Variants in CCBE1 observed in about 807,000 individuals in gnomAD.
CCBE1 encodes collagen and calcium binding EGF domains 1.
A neutral mutation model predicts 50.0 loss-of-function variants in CCBE1; 37 were observed. The observed-to-expected ratio is 0.74, with a 90% CI of 0.57 to 0.97. The LOEUF is 0.97. Ranked by LOEUF, CCBE1 falls within the 50% of genes least tolerant of loss-of-function variation. The pLI is 0.00. For synonymous variants in CCBE1, 234 were observed against 203.7 expected (o/e 1.15, Z -1.27); for missense variants, 538 against 523.8 (o/e 1.03, Z -0.26).
At chr18:59,541,712 T>A (rs1266377192) in intron 2 of CCBE1, among the ~76,000 whole-genome samples, 1 of 150,730 alleles carries the variant, frequency 6.6e-6, no homozygotes, top group Non-Finnish European at 1.5e-5. Flanking sequence ...GGAGGAAGAG[T>A]TGAAGGGAAA....
intron 2 of CCBE1, among the ~76,000 whole-genome samples, chr18:59,551,025 A>AAAAAAAAAAAAAAAG (rs1915905215): frequency 6.1e-5 from 7 of 114,866 alleles, no homozygotes; most frequent in African/African-American, 1.1e-4. Flanking sequence ...AAAAAAAAAA[A>AAAAAAAAAAAAAAAG]AAAAGAAAAG....
intron 2 of CCBE1, among the ~76,000 whole-genome samples, chr18:59,622,026 C>T (rs538017072): frequency 1.8e-4 from 28 of 152,318 alleles, no homozygotes; most frequent in Admixed American, 5.2e-4. Context: ...TTAATGTGTC[C>T]TCTCAGACTC....
intron 2 of CCBE1, among the ~76,000 whole-genome samples, chr18:59,671,828 G>A (rs915792217): frequency 1.3e-5 from 2 of 149,422 alleles, no homozygotes. Context: ...AAAAGGGGGG[G>A]GGTAGTCAGT....
chr18:59,493,633 G>A (rs1443253111), intron 2 of CCBE1, among the ~76,000 whole-genome samples: 1 of 152,058 alleles, frequency 6.6e-6, no homozygotes, highest in Non-Finnish European at 1.5e-5. Context: ...AGCCCAGGCT[G>A]CTGGGCTCCA....
At chr18:59,685,492 C>A (rs1276794021) in intron 2 of CCBE1, among the ~76,000 whole-genome samples, 1 of 152,204 alleles carries the variant, frequency 6.6e-6, no homozygotes, top group Admixed American at 6.5e-5. Flanking sequence ...AAACAAAGAC[C>A]ATTTACCCAG....
At chr18:59,661,072 T>G (rs1480732744) in intron 2 of CCBE1, among the ~76,000 whole-genome samples, 1 of 152,158 alleles carries the variant, frequency 6.6e-6, no homozygotes, top group Non-Finnish European at 1.5e-5. Flanking sequence ...TCCCTGGAGA[T>G]AGTCCAACAA....
chr18:59,535,885 T>C (rs1175832952), intron 2 of CCBE1, among the ~76,000 whole-genome samples: 1 of 152,110 alleles, frequency 6.6e-6, no homozygotes, highest in Non-Finnish European at 1.5e-5. Flanking sequence ...TAAGGAAAAG[T>C]CTATGTTGCC....
chr18:59,598,131 C>G (rs1230629826), intron 2 of CCBE1, among the ~76,000 whole-genome samples: 2 of 152,184 alleles, frequency 1.3e-5, no homozygotes, highest in East Asian at 3.9e-4. Context: ...GGTTAGGGAT[C>G]AGCAGAGACG....
At chr18:59,447,956 C>T in intron 7 of CCBE1, 27 bp downstream of exon 7, 1 of 1,613,796 alleles carries the variant, frequency 6.2e-7, no homozygotes, top group Non-Finnish European at 8.5e-7. Flanking sequence ...TTGGTGATCA[C>T]CCTCCTGTGC....
chr18:59,625,138 A>G (rs1434834464), intron 2 of CCBE1, among the ~76,000 whole-genome samples: 1 of 152,252 alleles, frequency 6.6e-6, no homozygotes, highest in East Asian at 1.9e-4. Flanking sequence ...TGGTATAAAA[A>G]TTGTAGCCAT....
intron 2 of CCBE1, among the ~76,000 whole-genome samples, chr18:59,621,909 G>A (rs1206779888): frequency 2.0e-5 from 3 of 152,184 alleles, no homozygotes; most frequent in African/African-American, 4.8e-5. Flanking sequence ...ACATACAGAT[G>A]TCATCCTTGG....
At chr18:59,539,675 T>C (rs1414396957) in intron 2 of CCBE1, among the ~76,000 whole-genome samples, 5 of 152,256 alleles carry the variant, frequency 3.3e-5, no homozygotes, top group African/African-American at 1.2e-4. Context: ...ATCATGATTC[T>C]CTAAGGCTGG....
intron 2 of CCBE1, among the ~76,000 whole-genome samples, chr18:59,662,911 C>T (rs1350053880): frequency 1.3e-5 from 2 of 152,306 alleles, no homozygotes; most frequent in African/African-American, 4.8e-5. Context: ...CTGGGCAAAA[C>T]ATCAAGACCC....
intron 1 of CCBE1, among the ~76,000 whole-genome samples, chr18:59,696,944 G>A (rs1157095653): frequency 2.0e-5 from 3 of 152,332 alleles, no homozygotes; most frequent in African/African-American, 7.2e-5. Flanking sequence ...TTCACGAGCT[G>A]TGCCAGCCAG....
intron 2 of CCBE1, among the ~76,000 whole-genome samples, chr18:59,514,165 A>G (rs1914259759): frequency 6.6e-6 from 1 of 152,192 alleles, no homozygotes; most frequent in Admixed American, 6.5e-5. Flanking sequence ...ACATAGCAAC[A>G]TTTAGATTAC....
chr18:59,538,242 C>A (rs1011144415), intron 2 of CCBE1, among the ~76,000 whole-genome samples: 2 of 152,114 alleles, frequency 1.3e-5, no homozygotes, highest in African/African-American at 4.8e-5. Flanking sequence ...CCAATGTATC[C>A]CAAACTTCAA....
At chr18:59,501,266 T>C (rs689049) in intron 2 of CCBE1, among the ~76,000 whole-genome samples, 103,916 of 151,710 alleles carry the variant, frequency 0.68, 36,718 homozygotes, top group East Asian at 0.96. Flanking sequence ...TGGGGCTGCT[T>C]CGTCCTCCAT....
At chr18:59,694,895 T>G (rs1463637413) in intron 2 of CCBE1, among the ~76,000 whole-genome samples, 1 of 152,224 alleles carries the variant, frequency 6.6e-6, no homozygotes, top group Non-Finnish European at 1.5e-5. Context: ...TTAAACAAAG[T>G]TCTTTATTCT....
chr18:59,671,843 A>G (rs928957296), intron 2 of CCBE1, among the ~76,000 whole-genome samples: 2 of 151,176 alleles, frequency 1.3e-5, no homozygotes, highest in African/African-American at 2.4e-5. Flanking sequence ...GTCAGTATTT[A>G]CTCCTAGAGA....
Sources: gnomAD v4.1 joint callset for allele counts (sites outside exome capture counted in the v4.1 genomes callset) on GRCh38, gnomAD v4.1.1 for gene constraint, MANE v1.5 for transcripts, NCBI Gene and HGNC (gene_info 2026-07-23, HGNC 2026-07-21) for gene names.